The following FAT3 variants were observed in gnomAD, a reference collection of about 807,000 sequenced individuals.
FAT3 encodes FAT atypical cadherin 3.
FAT3 carries 95 observed loss-of-function variants against 310.2 expected under a neutral mutation model. The observed-to-expected ratio is 0.31, with a 90% confidence interval of 0.26 to 0.36. The LOEUF is 0.36. FAT3 is among the 10% of genes least tolerant of loss of function. FAT3 has a pLI of 1.00. For missense variants in FAT3, 5,408 were observed against 5,715.6 expected (o/e 0.95, Z 1.74); for synonymous variants, 2,314 against 2,192.9 (o/e 1.06, Z -1.54).
intron 13 of FAT3, among the ~76,000 whole-genome samples, chr11:92,824,500 G>T (rs1262889922): frequency 6.6e-6 from 1 of 152,136 alleles, no homozygotes; most frequent in Non-Finnish European, 1.5e-5. Flanking sequence ...GAAATATCCA[G>T]AAAAAGTAGC....
intron 1 of FAT3, among the ~76,000 whole-genome samples, chr11:92,234,256 T>C (rs1344977159): frequency 6.6e-6 from 1 of 152,220 alleles, no homozygotes; most frequent in Non-Finnish European, 1.5e-5. Flanking sequence ...AGATTTTGTA[T>C]ATTAAATTTC....
intron 2 of FAT3, among the ~76,000 whole-genome samples, chr11:92,442,105 ATATATATTTTTT>A (rs1951084495): frequency 4.9e-5 from 1 of 20,352 alleles, no homozygotes; most frequent in African/African-American, 1.7e-4. Context: ...ATATATATAT[ATATATATTTTTT>A]TTTTTTTTTT....
chr11:92,793,235 A>G (rs1188049165), intron 9 of FAT3, among the ~76,000 whole-genome samples: 1 of 152,208 alleles, frequency 6.6e-6, no homozygotes, highest in East Asian at 1.9e-4. Flanking sequence ...TAGAGAAGAG[A>G]AAATAAATAC....
At chr11:92,617,950 A>G (rs1395232428) in intron 3 of FAT3, among the ~76,000 whole-genome samples, 2 of 152,188 alleles carry the variant, frequency 1.3e-5, no homozygotes, top group Admixed American at 6.5e-5. Flanking sequence ...TTGAGGAGGC[A>G]GTCTGTCCGT....
intron 3 of FAT3, among the ~76,000 whole-genome samples, chr11:92,539,074 A>G (rs1024031850): frequency 3.3e-5 from 5 of 152,124 alleles, no homozygotes; most frequent in Admixed American, 6.6e-5. Flanking sequence ...AAAATTTCCT[A>G]TTTTATAAAG....
At chr11:92,401,386 A>G (rs1449940264) in intron 2 of FAT3, among the ~76,000 whole-genome samples, 1 of 152,068 alleles carries the variant, frequency 6.6e-6, no homozygotes, top group African/African-American at 2.4e-5. Flanking sequence ...TCTAACAAAG[A>G]CCTCATCTCT....
At chr11:92,314,158 C>A in intron 1 of FAT3, 1 of 278,334 alleles carries the variant, frequency 3.6e-6, no homozygotes, top group Non-Finnish European at 5.4e-6. Flanking sequence ...GTGACATTCT[C>A]AAAAGTGAAG....
chr11:92,631,332 T>C (rs1046589424), intron 3 of FAT3, among the ~76,000 whole-genome samples: 3 of 152,162 alleles, frequency 2.0e-5, no homozygotes, highest in Non-Finnish European at 4.4e-5. Context: ...TGATTTGTCT[T>C]TTGGATCTTT....
At chr11:92,315,906 C>A (rs1172259498) in intron 1 of FAT3, among the ~76,000 whole-genome samples, 1 of 151,968 alleles carries the variant, frequency 6.6e-6, no homozygotes, top group African/African-American at 2.4e-5. Context: ...TGAAATTTGT[C>A]TTCATACATA....
chr11:92,580,948 C>T (rs2135531244), intron 3 of FAT3, among the ~76,000 whole-genome samples: 1 of 151,624 alleles, frequency 6.6e-6, no homozygotes, highest in Non-Finnish European at 1.5e-5. Context: ...GGTTTCATTC[C>T]ATTCCCCCAA....
chr11:92,696,749 T>A (rs191118862), intron 3 of FAT3, among the ~76,000 whole-genome samples: 7 of 152,156 alleles, frequency 4.6e-5, no homozygotes, highest in Non-Finnish European at 1.0e-4. Context: ...CTCAAAGGGG[T>A]GATTCACTTA....
chr11:92,887,460 A>G (rs1157048007), intron 25 of FAT3, among the ~76,000 whole-genome samples: 1 of 152,114 alleles, frequency 6.6e-6, no homozygotes, highest in East Asian at 1.9e-4. Flanking sequence ...TTATTTTACC[A>G]ATGATCTCTT....
intron 2 of FAT3, among the ~76,000 whole-genome samples, chr11:92,507,722 T>C (rs1953160106): frequency 1.3e-5 from 2 of 151,928 alleles, no homozygotes; most frequent in Admixed American, 1.3e-4. Context: ...CATATACATG[T>C]ATATGTACAT....
chr11:92,806,271 G>C, intron 11 of FAT3, 91 bp from the exon 12 acceptor site: 1 of 1,162,776 alleles, frequency 8.6e-7, no homozygotes, highest in Non-Finnish European at 1.2e-6. Context: ...TTATATAAAT[G>C]AATTTTTAAA....
intron 3 of FAT3, among the ~76,000 whole-genome samples, chr11:92,690,296 A>C (rs1430066502): frequency 1.3e-5 from 2 of 152,240 alleles, no homozygotes; most frequent in Non-Finnish European, 2.9e-5. Flanking sequence ...TTGGTTTAAA[A>C]TGTACCCTCA....
At chr11:92,713,147 G>T (rs1346639637) in intron 4 of FAT3, among the ~76,000 whole-genome samples, 1 of 152,198 alleles carries the variant, frequency 6.6e-6, no homozygotes, top group African/African-American at 2.4e-5. Context: ...TGGACCCAGG[G>T]ATCTTAGAAA....
chr11:92,806,298 C>T, intron 11 of FAT3, 64 bp from the exon 12 acceptor site: 3 of 1,385,324 alleles, frequency 2.2e-6, no homozygotes, highest in Admixed American at 4.9e-5. Flanking sequence ...CTATATAATG[C>T]TAAATATGGC....
At chr11:92,585,932 A>G (rs541822) in intron 3 of FAT3, among the ~76,000 whole-genome samples, 28,094 of 151,366 alleles carry the variant, frequency 0.19, 2,838 homozygotes, top group African/African-American at 0.26. Context: ...CCTTCCTTCC[A>G]GTCAAAAATA....
Position 92,799,665 on chromosome 11 carries a change from A to T in FAT3, c.6652A>T (p.Ile2218Phe). The T allele has an allele frequency of 1.2e-6, 2 of 1,613,720 alleles. No individual in the cohort carries two copies. Among genetic ancestry groups the T allele is most frequent in the South Asian group, 2.2e-5 (2 of 91,024 alleles). The change falls in exon 10 of 28, where the codon ATC becomes TTC. Residue 2218 changes from isoleucine (I) to phenylalanine (F), a missense_variant. Transcript: ENST00000525166. ...TGCCACCAGTCCAGAAGGCCAAGGC[A>T]TCATATATATCATTATCGATGGGGA... ...INATSPEGQG[I>F]IYIIIDGDPF...
Sources: allele counts gnomAD v4.1 joint callset (sites outside exome capture counted in the v4.1 genomes callset), GRCh38; gene constraint gnomAD v4.1.1; transcripts MANE v1.5; gene names NCBI Gene and HGNC (gene_info 2026-07-23, HGNC 2026-07-21).